Variants in LINGO2 observed in about 807,000 individuals in gnomAD.
The protein encoded by LINGO2 is leucine-rich repeat and immunoglobulin-like domain-containing nogo receptor-interacting protein 2.
Under a neutral mutation model 30.6 loss-of-function variants are expected in LINGO2, and 14 were observed. The observed-to-expected ratio is 0.46, with a 90% confidence interval of 0.30 to 0.72. The LOEUF is 0.72. LINGO2 is among the 30% of genes least tolerant of loss of function. The pLI, the probability that LINGO2 is intolerant of heterozygous loss-of-function variation, is 0.07. For synonymous variants in LINGO2, 317 were observed against 288.5 expected, an observed-to-expected ratio of 1.10 and a Z score of -1.00; for missense variants, 729 against 751.7, an observed-to-expected ratio of 0.97 and a Z score of 0.35.
At chr9:28,050,577 A>C (rs1587770500) in intron 4 of LINGO2, among the ~76,000 whole-genome samples, 2 of 150,824 alleles carry the variant, frequency 1.3e-5, no homozygotes, top group South Asian at 4.3e-4. Flanking sequence ...TCCATACTCC[A>C]GAATAACAGT....
chr9:28,530,447 T>C (rs1821188394), intron 1 of LINGO2, among the ~76,000 whole-genome samples: 1 of 152,078 alleles, frequency 6.6e-6, no homozygotes, highest in Non-Finnish European at 1.5e-5. Flanking sequence ...AAAAAGTGTG[T>C]GATGTCTTCA....
the LINGO2 span, among the ~76,000 whole-genome samples, chr9:28,948,253 G>C: frequency 3.9e-5 from 6 of 152,122 alleles, no homozygotes; most frequent in South Asian, 1.0e-3. Flanking sequence ...AAAATAATTT[G>C]AATATATAGC....
chr9:28,935,629 G>C, the LINGO2 span, among the ~76,000 whole-genome samples: 1 of 151,894 alleles, frequency 6.6e-6, no homozygotes, highest in African/African-American at 2.4e-5. Context: ...TTAGAAAGAA[G>C]CAACTGTATT....
At chr9:29,048,130 A>G in the LINGO2 span, among the ~76,000 whole-genome samples, 1 of 151,998 alleles carries the variant, frequency 6.6e-6, no homozygotes, top group Admixed American at 6.6e-5. Flanking sequence ...AATAATAAAA[A>G]TAAAATAAAA....
intron 4 of LINGO2, among the ~76,000 whole-genome samples, chr9:28,174,294 A>G (rs752207257): frequency 6.6e-6 from 1 of 152,226 alleles, no homozygotes; most frequent in Non-Finnish European, 1.5e-5. Context: ...CTTCTTTAAG[A>G]TTAAGAAGCA....
the LINGO2 span, among the ~76,000 whole-genome samples, chr9:28,812,407 C>T: frequency 6.6e-6 from 1 of 151,926 alleles, no homozygotes; most frequent in Non-Finnish European, 1.5e-5. Flanking sequence ...TCATGATGCG[C>T]AATTATTTGC....
chr9:28,054,518 G>A (rs568584701), intron 4 of LINGO2, among the ~76,000 whole-genome samples: 3 of 152,062 alleles, frequency 2.0e-5, no homozygotes, highest in African/African-American at 4.8e-5. Context: ...TAAGAAATTA[G>A]TGTTATGTTT....
At chr9:28,181,563 T>C (rs770673424) in intron 4 of LINGO2, among the ~76,000 whole-genome samples, 1 of 152,116 alleles carries the variant, frequency 6.6e-6, no homozygotes, top group Non-Finnish European at 1.5e-5. Flanking sequence ...TTCCAATGAT[T>C]AGGATGCACA....
At chr9:28,925,466 G>A in the LINGO2 span, among the ~76,000 whole-genome samples, 1 of 152,162 alleles carries the variant, frequency 6.6e-6, no homozygotes, top group Non-Finnish European at 1.5e-5. Context: ...GGGCGTGGTG[G>A]TTTCCTTGGT....
At chr9:28,468,680 A>C (rs1433690635) in intron 2 of LINGO2, among the ~76,000 whole-genome samples, 2 of 152,182 alleles carry the variant, frequency 1.3e-5, no homozygotes, top group African/African-American at 4.8e-5. Flanking sequence ...GGTTTTTAGG[A>C]GCTCTGGAAA....
intron 4 of LINGO2, among the ~76,000 whole-genome samples, chr9:28,287,945 T>C (rs1017591190): frequency 6.6e-6 from 1 of 152,200 alleles, no homozygotes; most frequent in Non-Finnish European, 1.5e-5. Context: ...AGACATTTAT[T>C]TAGTCAGCAT....
intron 4 of LINGO2, among the ~76,000 whole-genome samples, chr9:28,226,312 C>G (rs1022048054): frequency 6.6e-6 from 1 of 152,084 alleles, no homozygotes; most frequent in African/African-American, 2.4e-5. Flanking sequence ...CTCTTCAAGA[C>G]CCATCTAGTA....
chr9:28,340,262 T>C (rs1264028215), intron 3 of LINGO2, among the ~76,000 whole-genome samples: 1 of 152,166 alleles, frequency 6.6e-6, no homozygotes, highest in Non-Finnish European at 1.5e-5. Flanking sequence ...ATGAAGATTA[T>C]ATTAGATAGT....
intron 4 of LINGO2, among the ~76,000 whole-genome samples, chr9:28,266,947 A>C (rs556090257): frequency 6.6e-6 from 1 of 152,082 alleles, no homozygotes; most frequent in Admixed American, 6.6e-5. Flanking sequence ...CTGTACATCT[A>C]TCTTGGGCAA....
chr9:28,362,924 T>C (rs963629189), intron 3 of LINGO2, among the ~76,000 whole-genome samples: 1 of 152,222 alleles, frequency 6.6e-6, no homozygotes, highest in Non-Finnish European at 1.5e-5. Flanking sequence ...GTCTGTCGCA[T>C]TTTTATTTTC....
At chr9:28,453,161 C>A (rs1442013008) in intron 2 of LINGO2, among the ~76,000 whole-genome samples, 1 of 151,798 alleles carries the variant, frequency 6.6e-6, no homozygotes, top group Non-Finnish European at 1.5e-5. Flanking sequence ...ATTTTCCCAG[C>A]ATTTTCTGTG....
At chr9:28,335,057 G>T (rs72709399) in intron 3 of LINGO2, among the ~76,000 whole-genome samples, 1 of 152,004 alleles carries the variant, frequency 6.6e-6, no homozygotes, top group East Asian at 1.9e-4. Context: ...GTGGAATGAG[G>T]TTCATATTCA....
chr9:28,098,877 A>C (rs1587845283), intron 4 of LINGO2, among the ~76,000 whole-genome samples: 2 of 152,082 alleles, frequency 1.3e-5, no homozygotes, highest in South Asian at 4.1e-4. Flanking sequence ...ATATGGGAGG[A>C]AATGGTGAAT....
chr9:28,307,329 C>G (rs879461523), intron 3 of LINGO2, among the ~76,000 whole-genome samples: 48 of 152,026 alleles, frequency 3.2e-4, no homozygotes, highest in Non-Finnish European at 2.2e-4. Context: ...AGACAAAAAC[C>G]ACATGATTAT....
Sources: allele counts gnomAD v4.1 joint callset (sites outside exome capture counted in the v4.1 genomes callset), GRCh38; gene constraint gnomAD v4.1.1; transcripts MANE v1.5; gene names NCBI Gene and HGNC (gene_info 2026-07-23, HGNC 2026-07-21).